Variants in ZBED6 observed in about 807,000 individuals in gnomAD.
ZBED6 encodes zinc finger BED domain-containing protein 6.
Under a neutral mutation model 58.4 loss-of-function variants are expected in ZBED6, and 40 were observed. The ratio of observed to expected loss-of-function variants is 0.68; its 90% CI spans 0.53 to 0.89. The LOEUF is 0.89. Among genes scored for constraint, ZBED6 ranks in the 40% least tolerant of loss-of-function variants. ZBED6 has a pLI of 0.00. For synonymous variants in ZBED6, 439 were observed against 350.6 expected (o/e 1.25, Z -2.82); for missense variants, 1,057 against 1,003.9 (o/e 1.05, Z -0.71).
At chr1:203,840,448 A>T in intron 11 of ZBED6, 74 bp downstream of exon 11, 1 of 1,445,232 alleles carries the variant, frequency 6.9e-7, no homozygotes, top group Non-Finnish European at 9.5e-7. Flanking sequence ...TCTCAGATTT[A>T]CCTGTTGCTT....
chr1:203,848,372 G>A, exon 13 of ZBED6: 17 of 1,613,332 alleles, frequency 1.1e-5, no homozygotes, highest in Non-Finnish European at 1.4e-5. Flanking sequence ...AAATGAAGTT[G>A]ATTCTCAGAG....
exon 1 of ZBED6, chr1:203,801,991 G>A (rs1356246445): frequency 1.3e-5 from 2 of 152,522 alleles, no homozygotes; most frequent in African/African-American, 4.8e-5. Flanking sequence ...CCTTTCCAGG[G>A]CCACTATTTA....
chr1:203,795,957 C>T (rs562855770), exon 1 of ZBED6: 2 of 150,918 alleles, frequency 1.3e-5, no homozygotes, highest in South Asian at 2.1e-4. Flanking sequence ...CTCCCCCCCA[C>T]CTCCCGGTCG....
chr1:203,849,909 C>T, exon 14 of ZBED6: 2 of 1,614,104 alleles, frequency 1.2e-6, no homozygotes, highest in Non-Finnish European at 1.7e-6. Flanking sequence ...CACACGGCAC[C>T]TGACCAAGCG....
chr1:203,798,428 GACTTCAAC>G lies in ZBED6; in HGVS notation c.915_922del (p.Leu306ThrfsTer26). Reference sequence around the variant, plus strand: ...GGGGTAGGCCAGGGTCCCACTTAGGGACTTCAACACTTCAACGACACCTGCAAGCCACA... The same window carrying G: ...GGGGTAGGCCAGGGTCCCACTTAGGGACTTCAACGACACCTGCAAGCCACA... On this transcript the variant is annotated frameshift_variant, in exon 1 of 17. Coordinates refer to ENST00000550078, the Ensembl canonical transcript of ZBED6. LOFTEE classifies it high-confidence loss of function. 2.6e-6 allele frequency: 4 copies of G among 1,534,800 alleles called. No individual in the cohort carries two copies. The highest frequency in any genetic ancestry group is 3.5e-6 in the Non-Finnish European group (4 of 1,145,768).
At chr1:203,838,367 C>T (rs2103179538) in intron 10 of ZBED6, among the ~76,000 whole-genome samples, 1 of 152,272 alleles carries the variant, frequency 6.6e-6, no homozygotes, top group East Asian at 1.9e-4. Flanking sequence ...ATAGGAGAGG[C>T]ATCTATTATT....
chr1:203,854,047 C>T (rs147304730), exon 17 of ZBED6: 24 of 152,460 alleles, frequency 1.6e-4, no homozygotes, highest in African/African-American at 4.8e-4. Flanking sequence ...TTTCGTGTTC[C>T]GCATTATTTG....
chr1:203,801,713 A>C (rs1271121618), exon 1 of ZBED6: 1 of 152,492 alleles, frequency 6.6e-6, no homozygotes, highest in Non-Finnish European at 1.5e-5. Flanking sequence ...CCTAGAAATT[A>C]TGTAGTATTT....
chr1:203,833,677 G>C (rs1362864668), intron 8 of ZBED6, 114 bp from the exon 9 acceptor site: 4 of 508,042 alleles, frequency 7.9e-6, no homozygotes, highest in Non-Finnish European at 1.2e-5. Context: ...TGATTTTCAA[G>C]AGACTTTCTG....
chr1:203,828,513 A>G, intron 4 of ZBED6, 91 bp downstream of exon 4: 14 of 1,444,448 alleles, frequency 9.7e-6, no homozygotes, highest in Admixed American at 2.2e-5. Flanking sequence ...GACTCCTTTC[A>G]GTCTTGTGAA....
exon 17 of ZBED6, chr1:203,854,026 A>G (rs1456463439): frequency 3.9e-5 from 6 of 152,630 alleles, no homozygotes; most frequent in African/African-American, 1.2e-4. Context: ...AAGCACTTGT[A>G]TTAGTCAATG....
At chr1:203,823,646 T>C (rs1235577699) in intron 3 of ZBED6, among the ~76,000 whole-genome samples, 3 of 152,222 alleles carry the variant, frequency 2.0e-5, no homozygotes, top group African/African-American at 7.2e-5. Context: ...GACAGTAGTC[T>C]AAGAGCTGCT....
At chr1:203,848,690 G>A (rs61531686) in intron 13 of ZBED6, among the ~76,000 whole-genome samples, 17 of 152,182 alleles carry the variant, frequency 1.1e-4, no homozygotes, top group African/African-American at 3.6e-4. Flanking sequence ...GATTGAGACC[G>A]TCCTGGCTAA....
intron 9 of ZBED6, among the ~76,000 whole-genome samples, chr1:203,834,732 C>G (rs1683680373): frequency 6.6e-6 from 1 of 152,240 alleles, no homozygotes; most frequent in Non-Finnish European, 1.5e-5. Flanking sequence ...TCACTGCAAC[C>G]TCCACCTCCT....
chr1:203,842,641 T>A (rs12750715), intron 11 of ZBED6, among the ~76,000 whole-genome samples: 14,741 of 147,164 alleles, frequency 0.1, 1,038 homozygotes, highest in Non-Finnish European at 0.14. Flanking sequence ...TTTTTTTTTT[T>A]AAGTTTATTT....
chr1:203,833,681 C>A, intron 8 of ZBED6, 110 bp from the exon 9 acceptor site: 27 of 528,810 alleles, frequency 5.1e-5, no homozygotes, highest in East Asian at 1.9e-4. Flanking sequence ...TTTCAAGAGA[C>A]TTTCTGGGTG....
chr1:203,851,069 C>T (rs1223382478), exon 16 of ZBED6: 2 of 1,614,072 alleles, frequency 1.2e-6, no homozygotes, highest in African/African-American at 2.7e-5. Context: ...TGTTGTCCCG[C>T]TTGTCTCTGA....
At chr1:203,841,373 C>G (rs1261286101) in intron 11 of ZBED6, among the ~76,000 whole-genome samples, 1 of 152,046 alleles carries the variant, frequency 6.6e-6, no homozygotes, top group Non-Finnish European at 1.5e-5. Context: ...GAGCATGCTG[C>G]CTTCAAGCAT....
rs200680585 is a variant in ZBED6, at chr1:203,816,911, G to A, written c.*2555-15G>A. ...TTTACCTGAAATATTTTAATTCATT[G>A]TCTCCTCATTTTAGGATTACAGTTT... On this transcript the variant is annotated splice_polypyrimidine_tract_variant and intron_variant, in intron 1 of 16. Transcript: ENST00000550078. The A allele has an allele frequency of 7.0e-5, 37 of 525,004 alleles. No individual in the cohort carries two copies. In the East Asian group the frequency reaches 7.8e-4, roughly 11 times the overall value. The allele number at this position is 525,004 out of a possible 1,614,324, so 32.5% of individuals were successfully genotyped here.
Sources: allele counts gnomAD v4.1 joint callset (sites outside exome capture counted in the v4.1 genomes callset), GRCh38; gene constraint gnomAD v4.1.1; transcripts MANE v1.5; gene names NCBI Gene and HGNC (gene_info 2026-07-23, HGNC 2026-07-21).